Variants in ARFGAP3 observed in about 807,000 individuals in gnomAD.
ARFGAP3 encodes the protein ARF GTPase activating protein 3, also known as ADP-ribosylation factor GTPase-activating protein 3.
ARFGAP3 carries 72 observed loss-of-function variants against 75.0 expected under a neutral mutation model. The observed-to-expected ratio is 0.96, with a 90% CI of 0.79 to 1.17. The LOEUF (loss-of-function observed/expected upper bound fraction) is 1.17. Ranked by LOEUF, ARFGAP3 falls within the 50% of genes most tolerant of loss-of-function variation. The probability of loss-of-function intolerance (pLI) is 0.00; values close to 1 mark genes in which losing one functional copy is unlikely to be tolerated. For missense variants in ARFGAP3, 620 were observed against 626.6 expected, an observed-to-expected ratio of 0.99 and a Z score of 0.11; for synonymous variants, 221 against 217.9, an observed-to-expected ratio of 1.01 and a Z score of -0.13.
Position 42,796,719 on chromosome 22 carries a change from C to T in ARFGAP3, c.*869G>A, listed in dbSNP as rs1231195966. ...TTTTCTTTATTTGTTTATACACATT[C>T]GGTAATTTCTGAAAAGCAAGATTTA... On this transcript the variant is annotated 3_prime_UTR_variant, in exon 16 of 16. Coordinates refer to ENST00000263245, the MANE Select transcript of ARFGAP3 (RefSeq NM_014570.5). 1 of 152,182 alleles carries T rather than the reference C, an allele frequency of 6.6e-6. No individual in the cohort carries two copies. The highest frequency in any genetic ancestry group is 1.9e-4 in the East Asian group (1 of 5,196). 9.4% of individuals were successfully genotyped at this position (152,182 alleles called of 1,614,324 possible). A position where few individuals can be genotyped will look rare whatever the true frequency, so the allele number is the denominator to read the frequency against.
At chr22:42,854,061 G>A (rs1927394554) in intron 1 of ARFGAP3, among the ~76,000 whole-genome samples, 1 of 152,226 alleles carries the variant, frequency 6.6e-6, no homozygotes, top group Non-Finnish European at 1.5e-5. Flanking sequence ...ATCCCATGCA[G>A]TCTGTTCCCA....
chr22:42,845,114 G>A (rs1310935170), intron 2 of ARFGAP3, among the ~76,000 whole-genome samples: 2 of 152,160 alleles, frequency 1.3e-5, no homozygotes, highest in African/African-American at 2.4e-5. Flanking sequence ...AAAGAAAGAG[G>A]GAAAGAACAC....
chr22:42,844,980 G>C (rs1203959645), intron 2 of ARFGAP3, among the ~76,000 whole-genome samples: 1 of 152,124 alleles, frequency 6.6e-6, no homozygotes, highest in African/African-American at 2.4e-5. Context: ...TCAGGCTCTA[G>C]GTCACTCCTT....
chr22:42,810,690 A>T, intron 12 of ARFGAP3, 123 bp downstream of exon 12: 1 of 801,128 alleles, frequency 1.2e-6, no homozygotes, highest in Admixed American at 2.2e-5. Flanking sequence ...AAGTGCTGGG[A>T]TTATGGGAAT....
intron 2 of ARFGAP3, among the ~76,000 whole-genome samples, chr22:42,842,284 C>A (rs887832886): frequency 3.4e-5 from 5 of 148,686 alleles, no homozygotes; most frequent in Non-Finnish European, 5.9e-5. Context: ...TGATTACAGG[C>A]ATGAGCCACC....
At chr22:42,813,501 T>C (rs997138255) in intron 11 of ARFGAP3, among the ~76,000 whole-genome samples, 3 of 152,254 alleles carry the variant, frequency 2.0e-5, no homozygotes, top group Admixed American at 6.5e-5. Context: ...TTCATTCTTA[T>C]AAGCCAATGT....
chr22:42,802,439 C>G (rs935731799), intron 14 of ARFGAP3, among the ~76,000 whole-genome samples: 2 of 150,720 alleles, frequency 1.3e-5, no homozygotes, highest in African/African-American at 2.4e-5. Flanking sequence ...GTGCCCGCCA[C>G]CACGCCCAGA....
chr22:42,803,496 G>A (rs1008271571), intron 14 of ARFGAP3, among the ~76,000 whole-genome samples: 2 of 152,200 alleles, frequency 1.3e-5, no homozygotes, highest in African/African-American at 2.4e-5. Context: ...TTTCTGGGAG[G>A]AAACATGCTG....
intron 5 of ARFGAP3, among the ~76,000 whole-genome samples, chr22:42,833,910 A>C (rs993192023): frequency 6.6e-6 from 1 of 152,180 alleles, no homozygotes; most frequent in African/African-American, 2.4e-5. Flanking sequence ...AGCCAGATTC[A>C]GTCCCCCCAA....
intron 12 of ARFGAP3, among the ~76,000 whole-genome samples, chr22:42,809,162 C>T (rs1925255335): frequency 6.6e-6 from 1 of 152,152 alleles, no homozygotes; most frequent in Non-Finnish European, 1.5e-5. Context: ...TGGGTAAACA[C>T]TGAATACATT....
chr22:42,828,406 A>G (rs959642082), intron 6 of ARFGAP3, among the ~76,000 whole-genome samples: 4 of 151,904 alleles, frequency 2.6e-5, no homozygotes, highest in Non-Finnish European at 5.9e-5. Flanking sequence ...AAATATAAAA[A>G]TTAGCCAGGA....
intron 5 of ARFGAP3, 142 bp from the exon 6 acceptor site, chr22:42,831,778 T>C: frequency 6.9e-7 from 1 of 1,446,606 alleles, no homozygotes; most frequent in Non-Finnish European, 9.1e-7. Flanking sequence ...TATCTACTTT[T>C]TTCTTGCTTT....
intron 6 of ARFGAP3, 145 bp from the exon 7 acceptor site, chr22:42,827,144 T>A: frequency 7.7e-7 from 1 of 1,301,530 alleles, no homozygotes; most frequent in Non-Finnish European, 9.9e-7. Flanking sequence ...TATTCTATTT[T>A]AACGTTATAA....
chr22:42,853,155 A>T (rs1450050968), intron 1 of ARFGAP3, among the ~76,000 whole-genome samples: 2 of 152,172 alleles, frequency 1.3e-5, no homozygotes, highest in Non-Finnish European at 2.9e-5. Flanking sequence ...CACATAAATT[A>T]TCTTATAATA....
At chr22:42,805,289 G>C (rs1034989250) in intron 14 of ARFGAP3, among the ~76,000 whole-genome samples, 6 of 152,184 alleles carry the variant, frequency 3.9e-5, no homozygotes, top group African/African-American at 1.2e-4. Context: ...AACTGGAAAG[G>C]CTGCTCTCAT....
intron 12 of ARFGAP3, among the ~76,000 whole-genome samples, chr22:42,810,479 CA>C (rs1356110481): frequency 6.6e-6 from 1 of 151,970 alleles, no homozygotes; most frequent in East Asian, 1.9e-4. Flanking sequence ...TAAAACAAAA[CA>C]AAACAAAAAA....
At chr22:42,856,276 C>G (rs187828844) in intron 1 of ARFGAP3, among the ~76,000 whole-genome samples, 5 of 152,156 alleles carry the variant, frequency 3.3e-5, no homozygotes, top group African/African-American at 1.2e-4. Context: ...GCCAGCATAT[C>G]GAGGTTCAAT....
At chr22:42,814,599 C>G (rs1016688494) in intron 11 of ARFGAP3, among the ~76,000 whole-genome samples, 1 of 152,204 alleles carries the variant, frequency 6.6e-6, no homozygotes, top group Non-Finnish European at 1.5e-5. Context: ...ATCCCTGAAG[C>G]CTTTACAAGG....
At chr22:42,818,729 C>T in intron 9 of ARFGAP3, among the ~76,000 whole-genome samples, 1 of 150,856 alleles carries the variant, frequency 6.6e-6, no homozygotes. Flanking sequence ...ATGTAAAATA[C>T]CATGAATTCC....
Sources: allele counts gnomAD v4.1 joint callset (sites outside exome capture counted in the v4.1 genomes callset), GRCh38; gene constraint gnomAD v4.1.1; transcripts MANE v1.5; gene names NCBI Gene and HGNC (gene_info 2026-07-23, HGNC 2026-07-21).